Variants in SLC13A1 observed in about 807,000 individuals in gnomAD.
The protein encoded by SLC13A1 is Na(+)/sulfate cotransporter.
Under a neutral mutation model 70.0 loss-of-function variants are expected in SLC13A1, and 65 were observed. That is an observed-to-expected ratio of 0.93 (90% CI 0.76 to 1.14). The LOEUF (loss-of-function observed/expected upper bound fraction) is 1.14. Ranked by LOEUF, SLC13A1 falls within the 50% of genes most tolerant of loss-of-function variation. SLC13A1 has a pLI of 0.00. For synonymous variants in SLC13A1, 275 were observed against 250.5 expected (o/e 1.10, Z -0.92); for missense variants, 726 against 717.8 (o/e 1.01, Z -0.13).
At chr7:123,166,793 G>C (rs1286445027) in intron 6 of SLC13A1, among the ~76,000 whole-genome samples, 1 of 152,264 alleles carries the variant, frequency 6.6e-6, no homozygotes, top group Non-Finnish European at 1.5e-5. Context: ...GTCTATCACT[G>C]TTGGACATTT....
At chr7:123,193,916 C>T (rs1387216899) in intron 1 of SLC13A1, among the ~76,000 whole-genome samples, 1 of 152,094 alleles carries the variant, frequency 6.6e-6, no homozygotes, top group Non-Finnish European at 1.5e-5. Context: ...TATTTTCACT[C>T]TATTGAAGTT....
chr7:123,187,183 T>C (rs1795829008), intron 1 of SLC13A1, among the ~76,000 whole-genome samples: 1 of 152,154 alleles, frequency 6.6e-6, no homozygotes, highest in African/African-American at 2.4e-5. Flanking sequence ...ATACCTGCTC[T>C]GTATGTATAC....
intron 1 of SLC13A1, among the ~76,000 whole-genome samples, chr7:123,195,899 A>G (rs2116691883): frequency 6.6e-6 from 1 of 152,188 alleles, no homozygotes; most frequent in South Asian, 2.1e-4. Flanking sequence ...TACCTGGAAG[A>G]ATTGCACTCT....
chr7:123,143,914 G>A (rs150474976), intron 7 of SLC13A1, among the ~76,000 whole-genome samples: 3 of 152,260 alleles, frequency 2.0e-5, no homozygotes, highest in African/African-American at 7.2e-5. Context: ...CAGTAGAAGA[G>A]GAATACACAG....
intron 7 of SLC13A1, among the ~76,000 whole-genome samples, chr7:123,138,297 T>G (rs1794017938): frequency 6.6e-6 from 1 of 152,236 alleles, no homozygotes; most frequent in Non-Finnish European, 1.5e-5. Context: ...GTACCACATT[T>G]TCTTCATCCA....
Position 123,140,360 on chromosome 7 carries a change from A to G in SLC13A1, c.813-5831T>C, listed in dbSNP as rs148130533. Among the ~76,000 whole-genome samples, 60 of 152,172 alleles carry G rather than the reference A, an allele frequency of 3.9e-4. 4 individuals are homozygous for G. Among genetic ancestry groups the G allele is most frequent in the Middle Eastern group, 6.8e-3 (2 of 294 alleles). On this transcript the variant is annotated intron_variant, in intron 7 of 14. Transcript: ENST00000194130. ...TTAGTATTTTGTTGAGGATTTTTGC[A>G]TCAATATTCATAAGGGATATTTCTC...
chr7:123,148,942 T>G (rs1258701769), intron 6 of SLC13A1, among the ~76,000 whole-genome samples: 1 of 152,198 alleles, frequency 6.6e-6, no homozygotes, highest in African/African-American at 2.4e-5. Flanking sequence ...GTATTAATTT[T>G]AAAATGGTAT....
At chr7:123,155,811 G>A (rs181227474) in intron 6 of SLC13A1, among the ~76,000 whole-genome samples, 3 of 152,020 alleles carry the variant, frequency 2.0e-5, no homozygotes. Flanking sequence ...CACCCGAAAG[G>A]CATAGACTTG....
Position 123,199,884 on chromosome 7 carries a change from C to T in SLC13A1, c.63G>A (p.Leu21=). 1 of 1,612,940 alleles carries T rather than the reference C, an allele frequency of 6.2e-7. No individual in the cohort carries two copies. The change falls in exon 1 of 15, where the codon TTG becomes TTA. Residue 21 remains leucine, a synonymous_variant. Transcript: ENST00000194130. The part of the protein sequence containing the change: ...RRFLFVVFTV[L]VLLPLPIVLH... Reference sequence around the variant, plus strand: ...GGACGATGGGCAGAGGTAGTAAAACCAACACAGTGAAAACCACGAAGAGAA... The same window carrying T: ...GGACGATGGGCAGAGGTAGTAAAACTAACACAGTGAAAACCACGAAGAGAA...
intron 8 of SLC13A1, among the ~76,000 whole-genome samples, chr7:123,132,562 G>A (rs2116330887): frequency 6.6e-6 from 1 of 152,144 alleles, no homozygotes; most frequent in African/African-American, 2.4e-5. Context: ...AGTAGAGAAG[G>A]GGTTTCACAA....
chr7:123,172,600 G>A lies in SLC13A1; in HGVS notation c.229-696C>T, dbSNP rs868787589. On this transcript the variant is annotated intron_variant, in intron 2 of 14. Coordinates refer to ENST00000194130, the MANE Select transcript of SLC13A1 (RefSeq NM_022444.4). ...CGTGCCATTGCACTCTAGCCTGGGC[G>A]ACAGAGTGAGACTTCATCTTAAAAA... 2.8e-3 allele frequency among the ~76,000 whole-genome samples: 432 copies of A among 152,272 alleles called. 3 individuals are homozygous for A. Among genetic ancestry groups the A allele is most frequent in the African/African-American group, 9.4e-3 (391 of 41,536 alleles).
At chr7:123,139,908 T>C (rs949369157) in intron 7 of SLC13A1, among the ~76,000 whole-genome samples, 2 of 152,076 alleles carry the variant, frequency 1.3e-5, no homozygotes, top group Non-Finnish European at 2.9e-5. Context: ...TTTTTAACTT[T>C]CTCTTGTCTG....
At chr7:123,140,011 C>T (rs1015183821) in intron 7 of SLC13A1, among the ~76,000 whole-genome samples, 5 of 151,816 alleles carry the variant, frequency 3.3e-5, no homozygotes, top group East Asian at 1.9e-4. Flanking sequence ...AAAAATCTTT[C>T]GGTTTTTTTA....
intron 13 of SLC13A1, among the ~76,000 whole-genome samples, chr7:123,117,908 A>T (rs1007302178): frequency 1.3e-5 from 2 of 151,680 alleles, no homozygotes; most frequent in Admixed American, 6.6e-5. Flanking sequence ...ATCTATTGCT[A>T]GGTGTTGGGC....
At chr7:123,174,747 CT>C (rs1795392339) in intron 2 of SLC13A1, among the ~76,000 whole-genome samples, 1 of 151,916 alleles carries the variant, frequency 6.6e-6, no homozygotes, top group Non-Finnish European at 1.5e-5. Flanking sequence ...ATAAAAGACC[CT>C]TCATCATCTG....
intron 8 of SLC13A1, among the ~76,000 whole-genome samples, chr7:123,132,571 A>T (rs904583162): frequency 6.6e-6 from 1 of 152,072 alleles, no homozygotes; most frequent in South Asian, 2.1e-4. Flanking sequence ...GGGGTTTCAC[A>T]ATGTTGGCCA....
At chr7:123,118,071 C>T in intron 13 of SLC13A1, among the ~76,000 whole-genome samples, 1 of 151,592 alleles carries the variant, frequency 6.6e-6, no homozygotes, top group South Asian at 2.1e-4. Flanking sequence ...GAAACAGAGG[C>T]CCAGAGAGGC....
chr7:123,174,112 T>C (rs1008633565), intron 2 of SLC13A1, among the ~76,000 whole-genome samples: 5 of 152,078 alleles, frequency 3.3e-5, no homozygotes, highest in African/African-American at 1.2e-4. Flanking sequence ...AGTCTCCTTG[T>C]TTTATCCATC....
chr7:123,133,863 G>C (rs1793854665), intron 8 of SLC13A1, among the ~76,000 whole-genome samples: 2 of 151,490 alleles, frequency 1.3e-5, no homozygotes, highest in South Asian at 2.1e-4. Context: ...TATTTTTTGA[G>C]ACCGTTCTCT....
Sources: gnomAD v4.1 joint callset for allele counts (sites outside exome capture counted in the v4.1 genomes callset) on GRCh38, gnomAD v4.1.1 for gene constraint, MANE v1.5 for transcripts, NCBI Gene and HGNC (gene_info 2026-07-23, HGNC 2026-07-21) for gene names.